Variants in SMO observed in about 807,000 individuals in gnomAD.
The protein encoded by SMO is smoothened, frizzled class receptor.
SMO carries 40 observed loss-of-function variants against 81.6 expected under a neutral mutation model. The observed-to-expected ratio is 0.49, with a 90% CI of 0.38 to 0.64. The LOEUF is 0.64. Ranked by LOEUF, SMO falls within the 30% of genes least tolerant of loss-of-function variation. SMO has a pLI of 0.00. For missense variants in SMO, 916 were observed against 1,061.1 expected (o/e 0.86, Z 1.90); for synonymous variants, 434 against 432.1 (o/e 1.00, Z -0.05).
Position 129,210,268 on chromosome 7 carries a change from G to T in SMO, c.1467-95G>T, listed in dbSNP as rs1434041470. The stretch of plus-strand genomic sequence containing the variant: ...TGCAGTGGGTTGTGATCACGCCACC[G>T]CACTCTAGCCTGGGTGACAGAGCAA... On this transcript the variant is annotated intron_variant, in intron 8 of 11. Transcript: ENST00000249373. This position sits in a 1 kb window ranked among gnomAD's most constrained non-coding sequence, Gnocchi z 4.7. 4 of 1,048,888 alleles carry T rather than the reference G, an allele frequency of 3.8e-6. No individual in the cohort carries two copies. Among genetic ancestry groups the T allele is most frequent in the East Asian group, 4.8e-5 (2 of 41,522 alleles). 65.0% of individuals were successfully genotyped at this position (1,048,888 alleles called of 1,614,324 possible). A position where few individuals can be genotyped will look rare whatever the true frequency, so the allele number is the denominator to read the frequency against.
chr7:129,197,402 C>A (rs1361790051), intron 1 of SMO, among the ~76,000 whole-genome samples: 5 of 151,956 alleles, frequency 3.3e-5, no homozygotes, highest in Non-Finnish European at 4.4e-5. Flanking sequence ...GCCAATTATT[C>A]TTTTGATCAT....
rs1584665802 is a variant in SMO, at chr7:129,211,251, C to G, written c.1801+138C>G. 1.1e-6 allele frequency: 1 copy of G among 940,292 alleles called. No homozygotes were observed. Among genetic ancestry groups the G allele is most frequent in the Non-Finnish European group, 1.7e-6 (1 of 604,912 alleles). 58.2% of individuals were successfully genotyped at this position (940,292 alleles called of 1,614,324 possible). A position where few individuals can be genotyped will look rare whatever the true frequency, so the allele number is the denominator to read the frequency against. ...CAAGGCGCTCCCTCCATCGCTCACA[C>G]ACCCATTCTTCCCCCGGCCCCTCCT... On this transcript the variant is annotated intron_variant, in intron 10 of 11. Coordinates refer to ENST00000249373, the MANE Select transcript of SMO (RefSeq NM_005631.5). The surrounding 1 kb of genome is among the most constrained non-coding windows in gnomAD (Gnocchi z 4.6).
At chr7:129,204,669 T>C (rs1185586318) in intron 2 of SMO, among the ~76,000 whole-genome samples, 1 of 149,614 alleles carries the variant, frequency 6.7e-6, no homozygotes, top group Non-Finnish European at 1.5e-5. Flanking sequence ...ATATAATATA[T>C]GTTTATTCAT....
intron 1 of SMO, among the ~76,000 whole-genome samples, chr7:129,193,924 G>A (rs1793526788): frequency 6.9e-6 from 1 of 145,824 alleles, no homozygotes; most frequent in Admixed American, 6.9e-5. Flanking sequence ...GGGCAACAAA[G>A]TGAGACCCCA....
rs772906733 is a variant in SMO, at chr7:129,212,294, C to T, written c.2207C>T (p.Pro736Leu). The part of the protein sequence containing the change: ...RQGAWTLVSN[P>L]FCPEPSPPQD... ...GGAGCGTGGACCCTGGTCTCCAACC[C>T]ATTCTGCCCAGAGCCCAGTCCCCCT... The change falls in exon 12 of 12, where the codon CCA becomes CTA. Residue 736 changes from proline (P) to leucine (L), a missense_variant. This residue lies in a region of SMO where 324 missense variants were observed against 312.9 expected (regional missense o/e 1.04). Transcript: ENST00000249373. The surrounding 1 kb of genome is among the most constrained non-coding windows in gnomAD (Gnocchi z 5.0). The T allele has an allele frequency of 3.1e-6, 5 of 1,613,964 alleles. No individual in the cohort carries two copies. In the Admixed American group the frequency reaches 8.3e-5, roughly 27 times the overall value.
chr7:129,211,499 C>T lies in SMO; in HGVS notation c.1802-137C>T, dbSNP rs1338560825. On this transcript the variant is annotated intron_variant, in intron 10 of 11. Coordinates refer to ENST00000249373, the MANE Select transcript of SMO (RefSeq NM_005631.5). This position sits in a 1 kb window ranked among gnomAD's most constrained non-coding sequence, Gnocchi z 4.6. ...CAGATTCTGAAGGGGTAGAGATCAC[C>T]GTGGTTACAGGGTGAGCTTTCTCTG... The T allele has an allele frequency of 1.2e-5, 11 of 954,228 alleles. No individual in the cohort carries two copies. The highest frequency in any genetic ancestry group is 3.2e-5 in the African/African-American group (2 of 62,436). The allele number at this position is 954,228 out of a possible 1,614,324, so 59.1% of individuals were successfully genotyped here. A position where few individuals can be genotyped will look rare whatever the true frequency, so the allele number is the denominator to read the frequency against.
Position 129,212,186 on chromosome 7 carries a change from C to T in SMO, c.2099C>T (p.Thr700Ile), listed in dbSNP as rs2150656692. The T allele has an allele frequency of 6.4e-7, 1 of 1,558,268 alleles. No homozygotes were observed. Among genetic ancestry groups the T allele is most frequent in the Non-Finnish European group, 8.7e-7 (1 of 1,150,818 alleles). The change falls in exon 12 of 12, where the codon ACC becomes ATC. Residue 700 changes from threonine to isoleucine, a missense_variant. Coordinates refer to ENST00000249373, the MANE Select transcript of SMO (RefSeq NM_005631.5). This position sits in a 1 kb window ranked among gnomAD's most constrained non-coding sequence, Gnocchi z 5.0. ...ELHPPAPAPS[T>I]IPRLPQLPRQ... ...CACCCCCCTGCCCCTGCCCCCAGTA[C>T]CATTCCTCGACTGCCTCAGCTGCCC...
At chr7:129,205,957 C>A (rs756958516) in intron 4 of SMO, among the ~76,000 whole-genome samples, 175 bp downstream of exon 4, 26 of 152,308 alleles carry the variant, frequency 1.7e-4, no homozygotes, top group Non-Finnish European at 3.8e-4. Context: ...AGAATCAGGA[C>A]CTTCATGGTT....
chr7:129,209,033 G>A (rs902212836), intron 7 of SMO, 182 bp downstream of exon 7: 5 of 620,576 alleles, frequency 8.1e-6, no homozygotes, highest in East Asian at 2.7e-5. Context: ...GTCTACTCGG[G>A]GGGAAGAATT....
intron 4 of SMO, 25 bp downstream of exon 4, chr7:129,205,807 T>C (rs1444954331): frequency 6.3e-7 from 1 of 1,594,078 alleles, no homozygotes. Context: ...GACCCAGAGG[T>C]GAAGGTACAG....
At chr7:129,199,752 A>T (rs538415751) in intron 1 of SMO, among the ~76,000 whole-genome samples, 6 of 152,150 alleles carry the variant, frequency 3.9e-5, no homozygotes, top group South Asian at 2.1e-4. Context: ...ATAAAAAAAT[A>T]AAAAAAACAT....
chr7:129,212,035 G>A lies in SMO; in HGVS notation c.1948G>A (p.Glu650Lys), dbSNP rs2150656274. Residue 650 changes from glutamate to lysine, a missense_variant, in exon 12 of 12, where the codon GAA becomes AAA. By Grantham distance (56) the Glu-to-Lys change is moderately conservative. Coordinates refer to ENST00000249373, the MANE Select transcript of SMO (RefSeq NM_005631.5). This position sits in a 1 kb window ranked among gnomAD's most constrained non-coding sequence, Gnocchi z 5.0. ...TPVATPVPPE[E>K]QANLWLVEAE... ...TCTCCTCCTGTCAGTGCCCCCAGAG[G>A]AACAAGCCAACCTGTGGCTGGTTGA... The A allele has an allele frequency of 6.3e-7, 1 of 1,587,104 alleles. No homozygotes were observed.
chr7:129,205,681 C>T lies in SMO; in HGVS notation c.819C>T (p.Cys273=), dbSNP rs1453813978. ...TTATTCTCTTCTACGTCAATGCGTG[C>T]TTCTTTGTGGGCAGCATTGGCTGGC... The part of the protein sequence containing the change: ...PAVILFYVNA[C]FFVGSIGWLA... Residue 273 remains cysteine, a synonymous_variant, in exon 4 of 12, where the codon TGC becomes TGT. Coordinates refer to ENST00000249373, the MANE Select transcript of SMO (RefSeq NM_005631.5). 1 of 1,613,868 alleles carries T rather than the reference C, an allele frequency of 6.2e-7. No homozygotes were observed. The highest frequency in any genetic ancestry group is 8.5e-7 in the Non-Finnish European group (1 of 1,179,982).
chr7:129,211,233 C>A lies in SMO; in HGVS notation c.1801+120C>A. ...AAGACCGACTGTGAGGAGCAAGGCG[C>A]TCCCTCCATCGCTCACACACCCATT... On this transcript the variant is annotated intron_variant, in intron 10 of 11. Coordinates refer to ENST00000249373, the MANE Select transcript of SMO (RefSeq NM_005631.5). The surrounding 1 kb of genome is among the most constrained non-coding windows in gnomAD (Gnocchi z 4.6). 1.9e-6 allele frequency: 2 copies of A among 1,072,526 alleles called. No homozygotes were observed. The highest frequency in any genetic ancestry group is 2.8e-6 in the Non-Finnish European group (2 of 726,042). The allele number at this position is 1,072,526 out of a possible 1,614,324, so 66.4% of individuals were successfully genotyped here. A position where few individuals can be genotyped will look rare whatever the true frequency, so the allele number is the denominator to read the frequency against.
rs777261235 is a variant in SMO, at chr7:129,212,210, C to T, written c.2123C>T (p.Pro708Leu). ...ACCATTCCTCGACTGCCTCAGCTGC[C>T]CCGGCAGAAATGCCTGGTGGCTGCA... ...PSTIPRLPQL[P>L]RQKCLVAAGA... Residue 708 changes from proline to leucine, a missense_variant, in exon 12 of 12, where the codon CCC becomes CTC. Pro to Leu is a moderately conservative substitution (Grantham distance 98). Transcript: ENST00000249373. This position sits in a 1 kb window ranked among gnomAD's most constrained non-coding sequence, Gnocchi z 5.0. The T allele has an allele frequency of 3.2e-6, 5 of 1,571,496 alleles. No homozygotes were observed. The highest frequency in any genetic ancestry group is 1.4e-5 in the African/African-American group (1 of 73,798).
chr7:129,202,103 A>T (rs1207835171), intron 1 of SMO, among the ~76,000 whole-genome samples: 1 of 152,172 alleles, frequency 6.6e-6, no homozygotes, highest in Non-Finnish European at 1.5e-5. Flanking sequence ...GAGGCCTCAG[A>T]CAAATAATCA....
chr7:129,210,195 A>T lies in SMO; in HGVS notation c.1467-168A>T. 1 of 587,110 alleles carries T rather than the reference A, an allele frequency of 1.7e-6. No individual in the cohort carries two copies. The highest frequency in any genetic ancestry group is 3.0e-6 in the Non-Finnish European group (1 of 329,680). 36.4% of individuals were successfully genotyped at this position (587,110 alleles called of 1,614,324 possible). A position where few individuals can be genotyped will look rare whatever the true frequency, so the allele number is the denominator to read the frequency against. The stretch of plus-strand genomic sequence containing the variant: ...GAAAACCCCACCTGTAGTCCCAGCT[A>T]CTTGGGAGGCTGAAGCAGGAGATTG... On this transcript the variant is annotated intron_variant, in intron 8 of 11. Transcript: ENST00000249373. The surrounding 1 kb of genome is among the most constrained non-coding windows in gnomAD (Gnocchi z 4.7).
intron 1 of SMO, 67 bp from the exon 2 acceptor site, chr7:129,203,317 G>T (rs1793699551): frequency 2.4e-6 from 3 of 1,225,156 alleles, no homozygotes; most frequent in Non-Finnish European, 3.5e-6. Flanking sequence ...TGGAGGACAG[G>T]GGTGAAGCTG....
chr7:129,212,731 C>T lies in SMO; in HGVS notation c.*280C>T, dbSNP rs1340074669. 7.8e-6 allele frequency: 4 copies of T among 513,058 alleles called. No homozygotes were observed. Among genetic ancestry groups the T allele is most frequent in the African/African-American group, 1.9e-5 (1 of 52,462 alleles). The allele number at this position is 513,058 out of a possible 1,614,324, so 31.8% of individuals were successfully genotyped here. A position where few individuals can be genotyped will look rare whatever the true frequency, so the allele number is the denominator to read the frequency against. On this transcript the variant is annotated 3_prime_UTR_variant, in exon 12 of 12. Coordinates refer to ENST00000249373, the MANE Select transcript of SMO (RefSeq NM_005631.5). This position sits in a 1 kb window ranked among gnomAD's most constrained non-coding sequence, Gnocchi z 5.0. The stretch of plus-strand genomic sequence containing the variant: ...GCCTGGTTGGCAGCATCTGCTCCAT[C>T]GGGGCAGGGGGTATGCAGAGCTTGT...
Sources: gnomAD v4.1 joint callset for allele counts (sites outside exome capture counted in the v4.1 genomes callset) on GRCh38, gnomAD v4.1.1 for gene constraint, gnomAD v4.1.1 regional missense constraint, Gnocchi (gnomAD v3.1) non-coding constraint, MANE v1.5 for transcripts, NCBI Gene and HGNC (gene_info 2026-07-23, HGNC 2026-07-21) for gene names.